The following MTREX variants were observed in gnomAD, a reference collection of about 807,000 sequenced individuals.
The protein encoded by MTREX is exosome RNA helicase MTR4.
Under a neutral mutation model 135.4 loss-of-function variants are expected in MTREX, and 76 were observed. The observed-to-expected ratio is 0.56, with a 90% confidence interval of 0.47 to 0.68. The LOEUF (loss-of-function observed/expected upper bound fraction) is 0.68, where lower values mean the gene tolerates loss of function less well. Ranked by LOEUF, MTREX falls within the 30% of genes least tolerant of loss-of-function variation. The pLI is 0.00. For missense variants in MTREX, 920 were observed against 1,262.1 expected, an observed-to-expected ratio of 0.73 and a Z score of 4.11; for synonymous variants, 404 against 401.6, an observed-to-expected ratio of 1.01 and a Z score of -0.07.
chr5:55,390,260 GCC>G lies in MTREX; in HGVS notation c.2181+2160_2181+2161del, dbSNP rs1750545587. ...TGGGACTACAGGTGTTCGCCGCCGT[GCC>G]CGGCTAATTTTTGTATTTTTACTAG... On this transcript the variant is annotated intron_variant, in intron 19 of 26. Coordinates refer to ENST00000230640, the MANE Select transcript of MTREX (RefSeq NM_015360.5). Among the ~76,000 whole-genome samples, 15 of 152,132 alleles carry G rather than the reference GCC, an allele frequency of 9.9e-5. No homozygotes were observed. The South Asian group carries it at 2.9e-3, about 30-fold the overall frequency.
intron 13 of MTREX, among the ~76,000 whole-genome samples, 154 bp downstream of exon 13, chr5:55,351,183 AC>A (rs1384288387): frequency 4.1e-4 from 63 of 152,298 alleles, no homozygotes; most frequent in African/African-American, 1.5e-3. Flanking sequence ...ATGATGTTAT[AC>A]TTAAATAAAT....
intron 13 of MTREX, 29 bp from the exon 14 acceptor site, chr5:55,353,139 T>G: frequency 6.9e-7 from 1 of 1,448,206 alleles, no homozygotes; most frequent in Non-Finnish European, 9.3e-7. Context: ...AAAATACATG[T>G]TTAATTATAG....
At chr5:55,417,119 G>T (rs925140348) in intron 25 of MTREX, among the ~76,000 whole-genome samples, 1 of 152,068 alleles carries the variant, frequency 6.6e-6, no homozygotes, top group African/African-American at 2.4e-5. Flanking sequence ...TTAAATTATG[G>T]TGTTGTATCT....
chr5:55,344,967 T>C (rs1372842535), intron 9 of MTREX, 127 bp from the exon 10 acceptor site: 2 of 638,850 alleles, frequency 3.1e-6, no homozygotes, highest in Admixed American at 3.1e-5. Flanking sequence ...AGATCATGTT[T>C]GGACTATTTT....
At chr5:55,383,805 T>G (rs1400697431) in intron 18 of MTREX, among the ~76,000 whole-genome samples, 1 of 152,214 alleles carries the variant, frequency 6.6e-6, no homozygotes, top group African/African-American at 2.4e-5. Context: ...GGTCTCACTC[T>G]GTTACCTAGG....
At chr5:55,384,447 G>A (rs1750447029) in intron 18 of MTREX, among the ~76,000 whole-genome samples, 1 of 152,084 alleles carries the variant, frequency 6.6e-6, no homozygotes, top group Non-Finnish European at 1.5e-5. Flanking sequence ...GATTTCCCTT[G>A]ATTCTTTGAA....
chr5:55,315,079 A>G (rs560477764), intron 1 of MTREX, among the ~76,000 whole-genome samples: 3 of 152,354 alleles, frequency 2.0e-5, no homozygotes, highest in South Asian at 2.1e-4. Flanking sequence ...TACAGCAGCA[A>G]TAGAAAGTTG....
At chr5:55,343,769 A>G (rs974827309) in intron 8 of MTREX, among the ~76,000 whole-genome samples, 9 of 152,164 alleles carry the variant, frequency 5.9e-5, no homozygotes, top group African/African-American at 2.2e-4. Flanking sequence ...ATTTACTCAA[A>G]TAGTTATCCA....
chr5:55,379,142 G>T lies in MTREX; in HGVS notation c.1999G>T (p.Asp667Tyr), dbSNP rs754297100. Reference protein sequence around the residue: ...GRLVKVKNEGDDFGWGVVVNF... With the variant: ...GRLVKVKNEGYDFGWGVVVNF... ...TTCTTTTTAGGTAAAGAATGAAGGA[G>T]ATGACTTTGGCTGGGGAGTAGTGGT... Residue 667 changes from aspartate (D) to tyrosine (Y), a missense_variant, in exon 18 of 27, where the codon GAT becomes TAT. Transcript: ENST00000230640. 21 of 1,609,124 alleles carry T rather than the reference G, an allele frequency of 1.3e-5. No individual in the cohort carries two copies. Among genetic ancestry groups the T allele is most frequent in the Non-Finnish European group, 1.6e-5 (19 of 1,177,170 alleles).
intron 16 of MTREX, among the ~76,000 whole-genome samples, chr5:55,368,375 C>T (rs369103322): frequency 1.3e-5 from 2 of 152,124 alleles, no homozygotes; most frequent in African/African-American, 2.4e-5. Context: ...TGCTGGAACC[C>T]GGGAGCAGAG....
intron 5 of MTREX, among the ~76,000 whole-genome samples, chr5:55,336,569 A>AT (rs1310812802): frequency 6.6e-6 from 1 of 152,210 alleles, no homozygotes; most frequent in African/African-American, 2.4e-5. Context: ...CCTGGAATAA[A>AT]TCTGGTTGTT....
intron 21 of MTREX, among the ~76,000 whole-genome samples, chr5:55,404,714 A>G (rs1750774394): frequency 6.6e-6 from 1 of 151,890 alleles, no homozygotes; most frequent in African/African-American, 2.4e-5. Context: ...TACCTTGTCT[A>G]GCTCACAATA....
At chr5:55,363,144 G>A (rs1368766756) in intron 15 of MTREX, among the ~76,000 whole-genome samples, 1 of 152,126 alleles carries the variant, frequency 6.6e-6, no homozygotes, top group East Asian at 1.9e-4. Flanking sequence ...GTAAATTTAA[G>A]AAGCACATAC....
intron 21 of MTREX, among the ~76,000 whole-genome samples, chr5:55,402,852 ATGTGTGTGTG>A (rs767239762): frequency 8.7e-6 from 1 of 114,514 alleles, no homozygotes; most frequent in Admixed American, 9.5e-5. Context: ...ATGTGTATGT[ATGTGTGTGTG>A]TGTGTGTGTG....
intron 16 of MTREX, among the ~76,000 whole-genome samples, chr5:55,376,413 G>A (rs1213991541): frequency 6.6e-6 from 1 of 152,176 alleles, no homozygotes; most frequent in Non-Finnish European, 1.5e-5. Context: ...ATGCCTTGTT[G>A]AGAATTCCAC....
At chr5:55,377,193 A>T (rs976072083) in intron 16 of MTREX, among the ~76,000 whole-genome samples, 1 of 151,962 alleles carries the variant, frequency 6.6e-6, no homozygotes, top group Admixed American at 6.6e-5. Context: ...TGGGCATGGT[A>T]GCGGGCGCCT....
Position 55,322,392 on chromosome 5 carries a change from A to G in MTREX, c.200A>G (p.Asp67Gly). ...AATGGAAAAAATAAGAGAGATGTAG[A>G]TTTCGAAGGTACAGATGAACCCATT... ...TNNGKNKRDV[D>G]FEGTDEPIFG... Residue 67 changes from aspartate (D) to glycine (G), a missense_variant, in exon 2 of 27, where the codon GAT becomes GGT. By Grantham distance (94) the Asp-to-Gly change is moderately conservative. Around this residue, in one of 6 missense-constraint regions of MTREX, gnomAD observed 136 missense variants for 126.7 expected, o/e 1.07. Coordinates refer to ENST00000230640, the MANE Select transcript of MTREX (RefSeq NM_015360.5). The G allele has an allele frequency of 6.2e-7, 1 of 1,609,714 alleles. No individual in the cohort carries two copies. The highest frequency in any genetic ancestry group is 8.5e-7 in the Non-Finnish European group (1 of 1,177,324).
chr5:55,415,838 C>CTTGGAAACCTAA, intron 24 of MTREX, 132 bp from the exon 25 acceptor site: 1 of 563,074 alleles, frequency 1.8e-6, no homozygotes, highest in Non-Finnish European at 3.0e-6. Flanking sequence ...TACTTAGGAG[C>CTTGGAAACCTAA]AGAATGTCCA....
chr5:55,413,520 A>G (rs1579902579), intron 23 of MTREX, among the ~76,000 whole-genome samples: 1 of 152,110 alleles, frequency 6.6e-6, no homozygotes, highest in East Asian at 1.9e-4. Context: ...TTTTTCTTTG[A>G]CAGGGCAGAA....
Sources: gnomAD v4.1 joint callset for allele counts (sites outside exome capture counted in the v4.1 genomes callset) on GRCh38, gnomAD v4.1.1 for gene constraint, gnomAD v4.1.1 regional missense constraint, MANE v1.5 for transcripts, NCBI Gene and HGNC (gene_info 2026-07-23, HGNC 2026-07-21) for gene names.